Variants in PCDH9 observed in about 807,000 individuals in gnomAD.
PCDH9 encodes protocadherin-9.
Under a neutral mutation model 70.6 loss-of-function variants are expected in PCDH9, and 24 were observed. The observed-to-expected ratio is 0.34, with a 90% CI of 0.25 to 0.48. The LOEUF (loss-of-function observed/expected upper bound fraction) is 0.48, where lower values mean the gene tolerates loss of function less well. PCDH9 is among the 20% of genes least tolerant of loss of function. PCDH9 has a pLI of 0.99. For synonymous variants in PCDH9, 562 were observed against 558.5 expected (o/e 1.01, Z -0.09); for missense variants, 1,281 against 1,503.6 (o/e 0.85, Z 2.45).
chr13:67,189,647 T>C (rs2088857048), intron 2 of PCDH9, among the ~76,000 whole-genome samples: 1 of 151,798 alleles, frequency 6.6e-6, no homozygotes, highest in African/African-American at 2.4e-5. Context: ...ATGTACAATA[T>C]AAAGTTAGAC....
intron 2 of PCDH9, chr13:67,214,915 T>G (rs1319124937): frequency 7.8e-6 from 1 of 128,344 alleles, no homozygotes; most frequent in Non-Finnish European, 1.7e-5. Context: ...ATTTTCTGAG[T>G]GTCTGGCTAT....
intron 3 of PCDH9, among the ~76,000 whole-genome samples, chr13:66,762,643 G>C (rs1208623160): frequency 6.6e-6 from 1 of 151,946 alleles, no homozygotes; most frequent in Non-Finnish European, 1.5e-5. Flanking sequence ...AGGTAGTTTT[G>C]TGCATGTATA....
intron 4 of PCDH9, among the ~76,000 whole-genome samples, chr13:66,529,049 TCTAA>T (rs1340812406): frequency 1.3e-5 from 2 of 152,104 alleles, no homozygotes. Flanking sequence ...TTTAATCTCC[TCTAA>T]CTGCTGTTGA....
chr13:67,154,678 T>G (rs2087763530), intron 2 of PCDH9, among the ~76,000 whole-genome samples: 1 of 148,234 alleles, frequency 6.7e-6, no homozygotes, highest in Non-Finnish European at 1.5e-5. Context: ...ATAACTTATG[T>G]TGTGTTAAGT....
chr13:66,540,800 G>C (rs1045731230), intron 4 of PCDH9, among the ~76,000 whole-genome samples: 3 of 152,116 alleles, frequency 2.0e-5, no homozygotes, highest in Non-Finnish European at 2.9e-5. Context: ...TATCATTAAA[G>C]GTCTTGACTT....
chr13:66,962,632 T>C (rs2083367153), intron 2 of PCDH9, among the ~76,000 whole-genome samples: 1 of 152,204 alleles, frequency 6.6e-6, no homozygotes, highest in Non-Finnish European at 1.5e-5. Flanking sequence ...TCTAAACATA[T>C]CTAAATATAG....
At chr13:66,548,562 C>T (rs1199444064) in intron 4 of PCDH9, among the ~76,000 whole-genome samples, 2 of 151,590 alleles carry the variant, frequency 1.3e-5, no homozygotes, top group African/African-American at 4.8e-5. Flanking sequence ...GAGACTCCAT[C>T]TCAAAAATAA....
At chr13:66,369,383 CATT>C (rs1182682344) in intron 4 of PCDH9, among the ~76,000 whole-genome samples, 1 of 152,056 alleles carries the variant, frequency 6.6e-6, no homozygotes, top group Non-Finnish European at 1.5e-5. Flanking sequence ...TATGACATAA[CATT>C]AGAATCAGAT....
intron 2 of PCDH9, among the ~76,000 whole-genome samples, chr13:66,905,205 C>T (rs1329458458): frequency 2.6e-5 from 4 of 151,904 alleles, no homozygotes; most frequent in African/African-American, 4.8e-5. Flanking sequence ...AAAGCATAGA[C>T]CTTAAAACAG....
chr13:66,443,397 G>C (rs1054680664), intron 4 of PCDH9, among the ~76,000 whole-genome samples: 1 of 151,896 alleles, frequency 6.6e-6, no homozygotes, highest in Non-Finnish European at 1.5e-5. Flanking sequence ...CAATGTTTGA[G>C]GTTTTATGTT....
intron 2 of PCDH9, chr13:67,205,298 T>C (rs1183595241): frequency 6.6e-6 from 1 of 152,214 alleles, no homozygotes; most frequent in Non-Finnish European, 1.5e-5. Context: ...CAATTTCTCA[T>C]TGTCTGGTGA....
intron 2 of PCDH9, among the ~76,000 whole-genome samples, chr13:67,120,614 T>C (rs972647443): frequency 6.6e-6 from 1 of 152,204 alleles, no homozygotes; most frequent in African/African-American, 2.4e-5. Flanking sequence ...TATTATTGCT[T>C]ACATATACTT....
chr13:66,469,602 T>C (rs1480636383), intron 4 of PCDH9, among the ~76,000 whole-genome samples: 2 of 152,140 alleles, frequency 1.3e-5, no homozygotes, highest in African/African-American at 2.4e-5. Context: ...CCAGTAGATA[T>C]TGATATTATT....
rs891255411 is a variant in PCDH9, at chr13:67,005,530, A to G, written c.3037-101925T>C. On this transcript the variant is annotated intron_variant, in intron 2 of 4. Transcript: ENST00000377865. ...CTTTAAAACGTTAGGAATACCTTTC[A>G]CTTTCCCCAAATATTCCGTGTATGC... 7.2e-5 allele frequency among the ~76,000 whole-genome samples: 11 copies of G among 152,180 alleles called. 1 individual carries two copies. The highest frequency in any genetic ancestry group is 1.5e-5 in the Non-Finnish European group (1 of 68,026).
intron 2 of PCDH9, among the ~76,000 whole-genome samples, chr13:67,137,297 G>A (rs1473598585): frequency 6.6e-6 from 1 of 152,014 alleles, no homozygotes; most frequent in Non-Finnish European, 1.5e-5. Context: ...GTAATATAAG[G>A]AAGATAACTG....
chr13:66,976,381 G>A (rs1336439860), intron 2 of PCDH9, among the ~76,000 whole-genome samples: 1 of 152,022 alleles, frequency 6.6e-6, no homozygotes, highest in African/African-American at 2.4e-5. Flanking sequence ...AAGTTATACT[G>A]GGCAACTTTC....
chr13:66,987,429 T>C (rs1261170771), intron 2 of PCDH9, among the ~76,000 whole-genome samples: 1 of 152,068 alleles, frequency 6.6e-6, no homozygotes, highest in Non-Finnish European at 1.5e-5. Context: ...AATTGTGTTA[T>C]TGACTATTTT....
chr13:66,711,995 T>G (rs1460638603), intron 3 of PCDH9, among the ~76,000 whole-genome samples: 1 of 152,170 alleles, frequency 6.6e-6, no homozygotes, highest in African/African-American at 2.4e-5. Context: ...GAAGTTCTTT[T>G]TCTCTCTTTC....
chr13:66,685,124 G>GA (rs1330313179), intron 3 of PCDH9, among the ~76,000 whole-genome samples: 1 of 152,172 alleles, frequency 6.6e-6, no homozygotes. Context: ...GGATAATGGG[G>GA]AAAATGTCTC....
Sources: allele counts gnomAD v4.1 joint callset (sites outside exome capture counted in the v4.1 genomes callset), GRCh38; gene constraint gnomAD v4.1.1; transcripts MANE v1.5; gene names NCBI Gene and HGNC (gene_info 2026-07-23, HGNC 2026-07-21).